Variants in NFIB observed in about 807,000 individuals in gnomAD.
NFIB encodes nuclear factor I B.
A neutral mutation model predicts 61.5 loss-of-function variants in NFIB; 11 were observed. The observed-to-expected ratio is 0.18, with a 90% confidence interval of 0.11 to 0.30. The LOEUF is 0.30. Ranked by LOEUF, NFIB falls within the 10% of genes least tolerant of loss-of-function variation. NFIB has a pLI of 1.00. For missense variants in NFIB, 471 were observed against 608.9 expected (o/e 0.77, Z 2.38); for synonymous variants, 260 against 216.5 (o/e 1.20, Z -1.76).
chr9:14,457,857 G>T, the NFIB span, among the ~76,000 whole-genome samples: 2 of 151,988 alleles, frequency 1.3e-5, no homozygotes, highest in African/African-American at 2.4e-5. Flanking sequence ...ACAGGCTCTG[G>T]CATTGAGGCA....
intron 10 of NFIB, among the ~76,000 whole-genome samples, chr9:14,103,435 CT>C (rs2036067735): frequency 6.6e-6 from 1 of 152,064 alleles, no homozygotes. Flanking sequence ...AAGATGACTT[CT>C]TCACAGTAAT....
At chr9:14,270,039 T>C (rs1206121234) in intron 2 of NFIB, among the ~76,000 whole-genome samples, 2 of 152,190 alleles carry the variant, frequency 1.3e-5, no homozygotes, top group African/African-American at 4.8e-5. Context: ...GTTATTCATT[T>C]TAACCTATTA....
chr9:14,272,242 A>G lies in NFIB; in HGVS notation c.562+34747T>C, dbSNP rs144205887. Among the ~76,000 whole-genome samples the G allele has an allele frequency of 1.6e-4, 24 of 152,318 alleles. No individual in the cohort carries two copies. In the East Asian group the frequency reaches 3.5e-3, roughly 22 times the overall value. On this transcript the variant is annotated intron_variant, in intron 2 of 10. Transcript: ENST00000380953. Reference sequence around the variant, plus strand: ...TTGCAACTATAGCATACATGTTAAAATATCTTACTCCCAATTTTTCAATCT... The same window carrying G: ...TTGCAACTATAGCATACATGTTAAAGTATCTTACTCCCAATTTTTCAATCT...
At chr9:14,141,831 G>T (rs1406108604) in intron 6 of NFIB, among the ~76,000 whole-genome samples, 1 of 145,282 alleles carries the variant, frequency 6.9e-6, no homozygotes, top group Non-Finnish European at 1.5e-5. Context: ...AGGGCAACCC[G>T]CTGGGGTCCC....
chr9:14,136,954 T>C (rs529532421), intron 6 of NFIB, among the ~76,000 whole-genome samples: 3 of 152,090 alleles, frequency 2.0e-5, no homozygotes, highest in African/African-American at 7.2e-5. Context: ...CAAATGTAAA[T>C]GAAGAAAAAA....
intron 2 of NFIB, among the ~76,000 whole-genome samples, chr9:14,299,977 C>A (rs2059663144): frequency 6.6e-6 from 1 of 152,188 alleles, no homozygotes; most frequent in Non-Finnish European, 1.5e-5. Flanking sequence ...CATTCAAGTC[C>A]TATTAGTCTC....
chr9:14,512,313 A>G, the NFIB span, among the ~76,000 whole-genome samples: 1 of 152,156 alleles, frequency 6.6e-6, no homozygotes, highest in Non-Finnish European at 1.5e-5. Flanking sequence ...ACAGAAATGT[A>G]ATTTTGAGGA....
At chr9:14,343,193 T>C (rs2060973282) in intron 1 of NFIB, among the ~76,000 whole-genome samples, 2 of 152,168 alleles carry the variant, frequency 1.3e-5, no homozygotes, top group Admixed American at 1.3e-4. Flanking sequence ...AAATTTCCCC[T>C]GTTACTGTAA....
intron 2 of NFIB, among the ~76,000 whole-genome samples, chr9:14,230,014 T>C (rs980358368): frequency 1.3e-5 from 2 of 152,186 alleles, no homozygotes; most frequent in African/African-American, 4.8e-5. Flanking sequence ...ATGTCGTTCA[T>C]GGCTGGTTTT....
intron 4 of NFIB, among the ~76,000 whole-genome samples, chr9:14,152,537 G>A (rs2042977293): frequency 6.6e-6 from 1 of 152,030 alleles, no homozygotes; most frequent in African/African-American, 2.4e-5. Context: ...ATAGACCTGA[G>A]TTATTAACAG....
the NFIB span, among the ~76,000 whole-genome samples, chr9:14,486,181 TAAG>T: frequency 1.3e-5 from 2 of 151,950 alleles, no homozygotes; most frequent in African/African-American, 2.4e-5. Flanking sequence ...GACCTAGAAA[TAAG>T]AAGAATATTG....
the NFIB span, among the ~76,000 whole-genome samples, chr9:14,437,539 G>A: frequency 6.6e-6 from 1 of 152,204 alleles, no homozygotes; most frequent in South Asian, 2.1e-4. Flanking sequence ...TTTACCAGGG[G>A]CTCATTGTTC....
upstream of NFIB, among the ~76,000 whole-genome samples, chr9:14,314,796 T>A: frequency 6.8e-6 from 1 of 147,758 alleles, no homozygotes; most frequent in Non-Finnish European, 1.5e-5. Context: ...CATGACTTTT[T>A]TTTTTTTTCC....
chr9:14,100,045 C>T (rs777569097), intron 10 of NFIB, among the ~76,000 whole-genome samples: 1 of 151,942 alleles, frequency 6.6e-6, no homozygotes, highest in African/African-American at 2.4e-5. Flanking sequence ...TGCACTCCAG[C>T]CTGGGTGAGG....
chr9:14,379,720 TCG>T (rs1452904221), intron 1 of NFIB, among the ~76,000 whole-genome samples: 4 of 152,284 alleles, frequency 2.6e-5, no homozygotes, highest in African/African-American at 7.2e-5. Context: ...TTTGCTCTTG[TCG>T]CCCAGGCTGG....
chr9:14,368,585 G>C (rs140815583), intron 1 of NFIB, among the ~76,000 whole-genome samples: 2 of 152,138 alleles, frequency 1.3e-5, no homozygotes, highest in East Asian at 3.9e-4. Flanking sequence ...AGCATTTCTC[G>C]ACCATTATCT....
At chr9:14,446,694 G>A in the NFIB span, among the ~76,000 whole-genome samples, 1 of 151,806 alleles carries the variant, frequency 6.6e-6, no homozygotes, top group Non-Finnish European at 1.5e-5. Context: ...CAATATCCGG[G>A]CCCATACTAG....
the NFIB span, among the ~76,000 whole-genome samples, chr9:14,425,105 G>A: frequency 6.6e-6 from 1 of 152,160 alleles, no homozygotes; most frequent in East Asian, 1.9e-4. Context: ...ATAAGTGTTT[G>A]GAATTTCATT....
chr9:14,413,084 T>C, the NFIB span, among the ~76,000 whole-genome samples: 388 of 152,264 alleles, frequency 2.5e-3, 2 homozygotes, highest in African/African-American at 9.0e-3. Context: ...TGGGTAGCTC[T>C]GAACTGCCTT....
Sources: gnomAD v4.1 joint callset for allele counts (sites outside exome capture counted in the v4.1 genomes callset) on GRCh38, gnomAD v4.1.1 for gene constraint, MANE v1.5 for transcripts, NCBI Gene and HGNC (gene_info 2026-07-23, HGNC 2026-07-21) for gene names.